Variants in PTPN9 observed in about 807,000 individuals in gnomAD.
PTPN9 encodes the protein tyrosine-protein phosphatase non-receptor type 9.
A neutral mutation model predicts 69.8 loss-of-function variants in PTPN9; 26 were observed. That is an observed-to-expected ratio of 0.37 (90% CI 0.27 to 0.52). The LOEUF (loss-of-function observed/expected upper bound fraction) is 0.52. Among genes scored for constraint, PTPN9 ranks in the 20% least tolerant of loss-of-function variants. The pLI is 0.91. For missense variants in PTPN9, 549 were observed against 740.3 expected (o/e 0.74, Z 3.00); for synonymous variants, 274 against 272.5 (o/e 1.01, Z -0.05).
At chr15:75,572,903 T>C (rs187477418) in intron 1 of PTPN9, among the ~76,000 whole-genome samples, 72 of 152,300 alleles carry the variant, frequency 4.7e-4, no homozygotes, top group Non-Finnish European at 5.9e-5. Context: ...GCACAGAGTA[T>C]ACAGTATGTT....
intron 8 of PTPN9, chr15:75,480,759 G>C: frequency 8.1e-7 from 1 of 1,228,080 alleles, no homozygotes; most frequent in Non-Finnish European, 1.0e-6. Context: ...AGTCTTTGCC[G>C]CCGCGCCGGC....
intron 8 of PTPN9, among the ~76,000 whole-genome samples, chr15:75,480,495 G>C (rs1454211480): frequency 6.6e-6 from 1 of 151,294 alleles, no homozygotes; most frequent in African/African-American, 2.4e-5. Context: ...CGCGGCGCCG[G>C]AGGCCCCAGA....
intron 1 of PTPN9, among the ~76,000 whole-genome samples, chr15:75,540,620 C>T (rs1351348802): frequency 6.6e-6 from 1 of 151,104 alleles, no homozygotes; most frequent in African/African-American, 2.4e-5. Context: ...AGCACTACTT[C>T]TGCTGCCTTC....
intron 5 of PTPN9, among the ~76,000 whole-genome samples, chr15:75,510,859 T>C (rs12708519): frequency 0.34 from 52,014 of 151,952 alleles, 10,207 homozygotes; most frequent in African/African-American, 0.53. Flanking sequence ...ACCCATTAAA[T>C]AACATCTCCC....
At chr15:75,503,999 C>A (rs1327091404) in intron 7 of PTPN9, among the ~76,000 whole-genome samples, 2 of 126,340 alleles carry the variant, frequency 1.6e-5, no homozygotes, top group African/African-American at 3.1e-5. Context: ...GCCCCTCTGC[C>A]GGGCCAGCCG....
chr15:75,566,168 C>T (rs1293360492), intron 1 of PTPN9, among the ~76,000 whole-genome samples: 1 of 151,784 alleles, frequency 6.6e-6, no homozygotes, highest in African/African-American at 2.4e-5. Context: ...AAATAAAACA[C>T]CGAGAGCCAC....
chr15:75,482,788 A>T (rs574761665), intron 8 of PTPN9, among the ~76,000 whole-genome samples: 22 of 135,084 alleles, frequency 1.6e-4, no homozygotes, highest in East Asian at 6.1e-4. Context: ...AAAATAAATT[A>T]AAAAAAAATA....
chr15:75,531,873 G>GT (rs1015440683), intron 1 of PTPN9, among the ~76,000 whole-genome samples: 2 of 152,054 alleles, frequency 1.3e-5, no homozygotes, highest in Non-Finnish European at 2.9e-5. Flanking sequence ...CATGGTACCT[G>GT]TTTTTTAATT....
In PTPN9 at chr15:75,557,597, A is replaced by G. The variant is rs141748134; in HGVS notation, c.63+21117T>C. Among the ~76,000 whole-genome samples the G allele has an allele frequency of 7.2e-3, 1,098 of 152,294 alleles. 11 individuals are homozygous for G. Among genetic ancestry groups the G allele is most frequent in the African/African-American group, 0.025 (1,048 of 41,550 alleles). On this transcript the variant is annotated intron_variant, in intron 1 of 12. Transcript: ENST00000618819. The stretch of plus-strand genomic sequence containing the variant: ...GAGAAACTGCCAAAGTGTTTTCCAC[A>G]GTGGCTGTACCATTTTATATTCCTA...
intron 1 of PTPN9, among the ~76,000 whole-genome samples, chr15:75,538,751 A>G (rs2074996094): frequency 1.3e-5 from 2 of 152,200 alleles, no homozygotes; most frequent in South Asian, 4.1e-4. Context: ...ATATCTAAGT[A>G]TACAGTATAT....
chr15:75,478,872 T>C (rs1159203632), intron 9 of PTPN9, among the ~76,000 whole-genome samples: 2 of 152,252 alleles, frequency 1.3e-5, no homozygotes, highest in Non-Finnish European at 2.9e-5. Context: ...CAAAGGGCCT[T>C]ACGCCCATCT....
intron 1 of PTPN9, among the ~76,000 whole-genome samples, chr15:75,557,717 G>C (rs1458509139): frequency 2.0e-5 from 3 of 152,108 alleles, no homozygotes; most frequent in Admixed American, 6.6e-5. Flanking sequence ...CACAAGTTTT[G>C]ATATGGGCTT....
intron 1 of PTPN9, among the ~76,000 whole-genome samples, chr15:75,536,770 A>G (rs2074983967): frequency 6.6e-6 from 1 of 152,096 alleles, no homozygotes; most frequent in African/African-American, 2.4e-5. Flanking sequence ...GGATGAGATG[A>G]TGAGTTTGGT....
At chr15:75,525,069 G>A (rs539451202) in intron 2 of PTPN9, among the ~76,000 whole-genome samples, 1 of 152,156 alleles carries the variant, frequency 6.6e-6, no homozygotes, top group Admixed American at 6.6e-5. Context: ...AAAAATGTCT[G>A]GATGCCTACG....
chr15:75,549,247 C>A (rs1212612827), intron 1 of PTPN9, among the ~76,000 whole-genome samples: 1 of 152,028 alleles, frequency 6.6e-6, no homozygotes, highest in Non-Finnish European at 1.5e-5. Context: ...GTAACTCAGG[C>A]TGGATTACAG....
intron 7 of PTPN9, among the ~76,000 whole-genome samples, chr15:75,499,511 T>G (rs993127017): frequency 6.7e-6 from 1 of 148,812 alleles, no homozygotes; most frequent in African/African-American, 2.5e-5. Flanking sequence ...GCTCAAGTGA[T>G]TCTCCTGCCT....
intron 7 of PTPN9, among the ~76,000 whole-genome samples, chr15:75,496,497 ACT>A (rs1567481641): frequency 1.4e-5 from 2 of 147,580 alleles, no homozygotes; most frequent in Admixed American, 6.8e-5. Flanking sequence ...AGTATTATTA[ACT>A]TTTTTTTTTT....
At chr15:75,514,141 A>G (rs1215840864) in intron 5 of PTPN9, among the ~76,000 whole-genome samples, 1 of 150,304 alleles carries the variant, frequency 6.7e-6, no homozygotes, top group Non-Finnish European at 1.5e-5. Context: ...CAAAAAGAAT[A>G]GGCTAGAAGA....
At chr15:75,470,927 T>C in intron 10 of PTPN9, 97 bp from the exon 11 acceptor site, 1 of 1,412,472 alleles carries the variant, frequency 7.1e-7, no homozygotes, top group South Asian at 1.3e-5. Flanking sequence ...GGCAGCAATA[T>C]CATCTCTTGC....
Sources: allele counts gnomAD v4.1 joint callset (sites outside exome capture counted in the v4.1 genomes callset), GRCh38; gene constraint gnomAD v4.1.1; transcripts MANE v1.5; gene names NCBI Gene and HGNC (gene_info 2026-07-23, HGNC 2026-07-21).